The following PLCL1 variants were observed in gnomAD, a reference collection of about 807,000 sequenced individuals.
PLCL1 encodes the protein inactive phospholipase C-like protein 1.
A neutral mutation model predicts 84.4 loss-of-function variants in PLCL1; 41 were observed. The ratio of observed to expected loss-of-function variants is 0.49; its 90% CI spans 0.38 to 0.63. The LOEUF is 0.63. PLCL1 is among the 30% of genes least tolerant of loss of function. The pLI is 0.00. For missense variants in PLCL1, 1,206 were observed against 1,367.8 expected (o/e 0.88, Z 1.87); for synonymous variants, 490 against 488.3 (o/e 1.00, Z -0.05).
Position 198,043,035 on chromosome 2 carries a change from T to A in PLCL1, c.241-40723T>A, listed in dbSNP as rs146156006. On this transcript the variant is annotated intron_variant, in intron 1 of 5. Coordinates refer to ENST00000428675, the MANE Select transcript of PLCL1 (RefSeq NM_006226.4). ...CAATGATTTCCAAGAGAGGATATAT[T>A]GGCTGCCCAGATCTGAGCAGTTAAG... Among the ~76,000 whole-genome samples the A allele has an allele frequency of 7.0e-3, 1,066 of 152,212 alleles. 6 individuals are homozygous for A. Among genetic ancestry groups the A allele is most frequent in the South Asian group, 0.018 (88 of 4,818 alleles).
intron 1 of PLCL1, among the ~76,000 whole-genome samples, chr2:197,955,505 G>A (rs1689467463): frequency 6.7e-6 from 1 of 150,152 alleles, no homozygotes; most frequent in Admixed American, 6.6e-5. Flanking sequence ...GTACCATGGT[G>A]GTTTGCTGCT....
intron 1 of PLCL1, among the ~76,000 whole-genome samples, chr2:197,948,003 TTG>T (rs1470066822): frequency 6.6e-6 from 1 of 152,078 alleles, no homozygotes; most frequent in Non-Finnish European, 1.5e-5. Flanking sequence ...AGAATGGATT[TTG>T]TAAGAGATTA....
At chr2:197,932,600 A>G (rs748634486) in intron 1 of PLCL1, among the ~76,000 whole-genome samples, 3 of 152,168 alleles carry the variant, frequency 2.0e-5, no homozygotes, top group Non-Finnish European at 2.9e-5. Flanking sequence ...GCTTCCGCTT[A>G]TAAGTGAGAA....
intron 1 of PLCL1, among the ~76,000 whole-genome samples, chr2:198,024,879 C>G (rs540710122): frequency 6.6e-6 from 1 of 151,896 alleles, no homozygotes; most frequent in Admixed American, 6.6e-5. Context: ...TCCATTATTC[C>G]TAGTGACTTT....
intron 1 of PLCL1, among the ~76,000 whole-genome samples, chr2:198,032,268 C>T (rs927375035): frequency 1.3e-5 from 2 of 152,126 alleles, no homozygotes; most frequent in African/African-American, 4.8e-5. Flanking sequence ...CTCTGAGATA[C>T]GGCTGCACTA....
chr2:198,130,473 G>A (rs1559115112), intron 5 of PLCL1, among the ~76,000 whole-genome samples: 1 of 152,000 alleles, frequency 6.6e-6, no homozygotes, highest in African/African-American at 2.4e-5. Context: ...TTTGGCCCAG[G>A]TGTCACTCTC....
chr2:197,918,185 C>T (rs372467429), intron 1 of PLCL1, among the ~76,000 whole-genome samples: 34 of 152,146 alleles, frequency 2.2e-4, no homozygotes, highest in Non-Finnish European at 4.0e-4. Context: ...AACCCATAAC[C>T]CCAGTCTGAT....
intron 5 of PLCL1, among the ~76,000 whole-genome samples, chr2:198,128,931 C>T (rs79280868): frequency 0.011 from 1,655 of 152,230 alleles, 26 homozygotes; most frequent in African/African-American, 0.037. Context: ...ATTGGATACG[C>T]TGCATTATAC....
chr2:197,916,526 A>G (rs1288238697), intron 1 of PLCL1, among the ~76,000 whole-genome samples: 1 of 152,160 alleles, frequency 6.6e-6, no homozygotes, highest in Non-Finnish European at 1.5e-5. Flanking sequence ...ACACTTATAT[A>G]TGTACAATGC....
At chr2:198,101,243 A>G (rs746547159) in intron 3 of PLCL1, 42 bp from the exon 4 acceptor site, 1 of 1,207,422 alleles carries the variant, frequency 8.3e-7, no homozygotes, top group East Asian at 2.3e-5. Context: ...AGCCAGTTCA[A>G]GGATTCTGAC....
chr2:198,107,803 A>G (rs1457507255), intron 5 of PLCL1, among the ~76,000 whole-genome samples: 1 of 151,894 alleles, frequency 6.6e-6, no homozygotes, highest in Non-Finnish European at 1.5e-5. Flanking sequence ...TAACTCACAT[A>G]CTAGCTGCTG....
chr2:197,813,731 C>G (rs983931286), intron 1 of PLCL1, among the ~76,000 whole-genome samples: 8 of 151,974 alleles, frequency 5.3e-5, no homozygotes, highest in African/African-American at 1.9e-4. Flanking sequence ...TTATTATTAT[C>G]TCGATTTTTA....
rs376899830 is a variant in PLCL1, at chr2:197,918,064, G to A, written c.240+112725G>A. Among the ~76,000 whole-genome samples, 9 of 152,308 alleles carry A rather than the reference G, an allele frequency of 5.9e-5. No individual in the cohort carries two copies. In the East Asian group the frequency reaches 1.5e-3, roughly 26 times the overall value. ...CAACAAAAACTAGCCAGGTGAGCAA[G>A]GTTAACCTCAACAGTGAGAAATCAT... On this transcript the variant is annotated intron_variant, in intron 1 of 5. Transcript: ENST00000428675.
intron 1 of PLCL1, among the ~76,000 whole-genome samples, chr2:198,013,737 T>C (rs1172602972): frequency 6.6e-6 from 1 of 152,120 alleles, no homozygotes; most frequent in East Asian, 1.9e-4. Context: ...AATGAACCAG[T>C]GCAGCTGGGG....
chr2:197,926,505 A>C (rs1688833279), intron 1 of PLCL1, among the ~76,000 whole-genome samples: 1 of 152,208 alleles, frequency 6.6e-6, no homozygotes, highest in African/African-American at 2.4e-5. Flanking sequence ...TTCAAACTCA[A>C]ATTATAATTT....
intron 1 of PLCL1, among the ~76,000 whole-genome samples, chr2:197,834,736 T>C (rs1300952247): frequency 2.6e-5 from 4 of 152,216 alleles, no homozygotes; most frequent in Non-Finnish European, 5.9e-5. Context: ...TGGAAGACAG[T>C]GTGGCAATTC....
intron 1 of PLCL1, among the ~76,000 whole-genome samples, chr2:197,866,868 A>G (rs1687559177): frequency 6.6e-6 from 1 of 152,126 alleles, no homozygotes; most frequent in Admixed American, 6.6e-5. Flanking sequence ...CATTATTGTT[A>G]TTACACTTCT....
intron 5 of PLCL1, among the ~76,000 whole-genome samples, chr2:198,110,393 C>T (rs2105919246): frequency 6.6e-6 from 1 of 152,024 alleles, no homozygotes; most frequent in South Asian, 2.1e-4. Flanking sequence ...ATGTTTCTAA[C>T]CCAGGCAGAT....
chr2:197,861,148 G>C (rs1210878447), intron 1 of PLCL1, among the ~76,000 whole-genome samples: 1 of 152,164 alleles, frequency 6.6e-6, no homozygotes, highest in Admixed American at 6.6e-5. Context: ...CTGATCACAA[G>C]AAAGACCAAG....
Sources: gnomAD v4.1 joint callset for allele counts (sites outside exome capture counted in the v4.1 genomes callset) on GRCh38, gnomAD v4.1.1 for gene constraint, MANE v1.5 for transcripts, NCBI Gene and HGNC (gene_info 2026-07-23, HGNC 2026-07-21) for gene names.